AGBL1: variants seen among roughly 807,000 people sequenced by gnomAD.
AGBL1 encodes the protein cytosolic carboxypeptidase 4.
AGBL1 carries 130 observed loss-of-function variants against 118.9 expected under a neutral mutation model. That is an observed-to-expected ratio of 1.09 (90% CI 0.95 to 1.26). The LOEUF is 1.26. Among genes scored for constraint, AGBL1 ranks in the 50% most tolerant of loss-of-function variants. The pLI, the probability that AGBL1 is intolerant of heterozygous loss-of-function variation, is 0.00. For missense variants in AGBL1, 1,584 were observed against 1,298.1 expected (o/e 1.22, Z -3.38); for synonymous variants, 555 against 478.9 (o/e 1.16, Z -2.08).
chr15:86,822,896 T>C (rs929792300), intron 22 of AGBL1, among the ~76,000 whole-genome samples: 2 of 152,114 alleles, frequency 1.3e-5, no homozygotes, highest in Non-Finnish European at 2.9e-5. Flanking sequence ...AAGGGCAGGA[T>C]TTATGGTAAG....
chr15:86,826,364 T>C (rs1184978523), intron 22 of AGBL1, among the ~76,000 whole-genome samples: 6 of 152,100 alleles, frequency 3.9e-5, no homozygotes, highest in Non-Finnish European at 5.9e-5. Flanking sequence ...CTGAAGAATA[T>C]TGAGAATGAA....
At chr15:86,604,797 C>CTTTTTTTTTTTTTTTTTTTTTTTTCTTTT (rs56780270) in intron 21 of AGBL1, among the ~76,000 whole-genome samples, 1 of 132,044 alleles carries the variant, frequency 7.6e-6, no homozygotes, top group Non-Finnish European at 1.6e-5. Context: ...TCTTTTCTTT[C>CTTTTTTTTTTTTTTTTTTTTTTTTCTTTT]TTTTTTTTTT....
chr15:86,827,289 A>ATGTGTGTG (rs1185549204), intron 22 of AGBL1, among the ~76,000 whole-genome samples: 2 of 52,470 alleles, frequency 3.8e-5, no homozygotes, highest in Non-Finnish European at 3.8e-5. Context: ...ATGGGTGTGT[A>ATGTGTGTG]TGTATATATA....
intron 23 of AGBL1, among the ~76,000 whole-genome samples, chr15:86,933,835 C>T (rs777289681): frequency 5.9e-5 from 9 of 152,190 alleles, no homozygotes; most frequent in African/African-American, 1.9e-4. Flanking sequence ...GCTCCCTTGC[C>T]GGAGGAATTG....
At position 86,229,625 on chromosome 15, in the gene AGBL1, T is replaced by A. The variant is rs79355171; in HGVS notation, c.526+4674T>A. ...TCTGTCTTTTCCTCTTTTTCCCTCA[T>A]CCTTTTTGTCATTTCTCATTTCCCT... On this transcript the variant is annotated intron_variant, in intron 6 of 22. Coordinates refer to ENST00000614907, the MANE Select transcript of AGBL1 (RefSeq NM_001386094.1). Among the ~76,000 whole-genome samples the A allele has an allele frequency of 2.6e-3, 398 of 152,272 alleles. 8 individuals carry two copies. The East Asian group carries it at 0.067, about 26-fold the overall frequency.
intron 3 of AGBL1, among the ~76,000 whole-genome samples, chr15:86,150,991 A>G (rs1456308646): frequency 1.3e-5 from 2 of 152,190 alleles, no homozygotes; most frequent in African/African-American, 4.8e-5. Context: ...TGATGAGTTC[A>G]TGTCCTTTGT....
intron 22 of AGBL1, among the ~76,000 whole-genome samples, chr15:86,806,935 G>A (rs1197829326): frequency 6.6e-6 from 1 of 151,524 alleles, no homozygotes; most frequent in East Asian, 1.9e-4. Context: ...ATTCTTTATT[G>A]GTGACTACAT....
intron 21 of AGBL1, among the ~76,000 whole-genome samples, chr15:86,654,280 G>A (rs1028676953): frequency 2.4e-4 from 37 of 152,158 alleles, no homozygotes; most frequent in African/African-American, 8.4e-4. Flanking sequence ...TTGTTAGCAA[G>A]TAGGAGTGTT....
At chr15:86,588,553 T>C (rs2084287475) in intron 21 of AGBL1, among the ~76,000 whole-genome samples, 1 of 152,196 alleles carries the variant, frequency 6.6e-6, no homozygotes, top group African/African-American at 2.4e-5. Flanking sequence ...CTGAAGCTCA[T>C]ATGCAGATAG....
At position 86,659,036 on chromosome 15, in the gene AGBL1, G is replaced by A. The variant is rs556468097; in HGVS notation, c.2995-15237G>A. 6.6e-5 allele frequency among the ~76,000 whole-genome samples: 10 copies of A among 152,276 alleles called. 1 individual carries two copies. The highest frequency in any genetic ancestry group is 2.4e-4 in the African/African-American group (10 of 41,578). On this transcript the variant is annotated intron_variant, in intron 21 of 22. Coordinates refer to ENST00000614907, the MANE Select transcript of AGBL1 (RefSeq NM_001386094.1). The stretch of plus-strand genomic sequence containing the variant: ...AAGGCGGGTATTCACAAAGACAGAA[G>A]TAAGCCATGATCTTTTAATTAAGAA...
intron 17 of AGBL1, among the ~76,000 whole-genome samples, chr15:86,322,883 G>A (rs1439888388): frequency 6.6e-6 from 1 of 152,200 alleles, no homozygotes; most frequent in African/African-American, 2.4e-5. Flanking sequence ...CTTTGCAAAA[G>A]TGTTTTGTTT....
Position 86,148,351 on chromosome 15 carries a change from G to A in AGBL1, c.262+4506G>A, listed in dbSNP as rs932851529. Among the ~76,000 whole-genome samples the A allele has an allele frequency of 3.9e-5, 6 of 152,046 alleles. 1 individual carries two copies. Among genetic ancestry groups the A allele is most frequent in the African/African-American group, 9.7e-5 (4 of 41,394 alleles). The stretch of plus-strand genomic sequence containing the variant: ...TTTTCTGAGGTAAAGAAGGATGTTC[G>A]AACCCATTGCAAGGAAGCTAATCTT... On this transcript the variant is annotated intron_variant, in intron 3 of 22. Transcript: ENST00000614907.
intron 17 of AGBL1, among the ~76,000 whole-genome samples, chr15:86,313,845 G>C (rs952894767): frequency 6.6e-6 from 1 of 152,180 alleles, no homozygotes; most frequent in Non-Finnish European, 1.5e-5. Context: ...CTTTAGTTCA[G>C]AGCTGGTCAG....
chr15:86,273,990 T>G (rs2079203413), intron 15 of AGBL1, among the ~76,000 whole-genome samples: 1 of 152,214 alleles, frequency 6.6e-6, no homozygotes, highest in Non-Finnish European at 1.5e-5. Context: ...TCCAAACTAT[T>G]TTGACAATGT....
chr15:86,482,122 A>G (rs879343607), intron 18 of AGBL1, among the ~76,000 whole-genome samples: 11 of 152,182 alleles, frequency 7.2e-5, no homozygotes, highest in South Asian at 4.1e-4. Context: ...GTGATGAGTT[A>G]ACCTACTTTT....
intron 22 of AGBL1, among the ~76,000 whole-genome samples, chr15:86,830,095 T>C (rs888594630): frequency 6.6e-6 from 1 of 152,158 alleles, no homozygotes; most frequent in Non-Finnish European, 1.5e-5. Context: ...GTATTTAGAT[T>C]ATCTCAAATA....
intron 21 of AGBL1, among the ~76,000 whole-genome samples, chr15:86,596,363 C>G (rs1224832029): frequency 1.3e-5 from 2 of 152,086 alleles, no homozygotes; most frequent in South Asian, 2.1e-4. Context: ...CTGTTCCTCA[C>G]TGGGGGTTGG....
intron 21 of AGBL1, among the ~76,000 whole-genome samples, chr15:86,656,392 G>A (rs956366659): frequency 6.6e-6 from 1 of 152,208 alleles, no homozygotes; most frequent in South Asian, 2.1e-4. Context: ...GGGGCTTTAG[G>A]GGGGTTGCCT....
intron 22 of AGBL1, among the ~76,000 whole-genome samples, chr15:86,902,904 G>C (rs757106731): frequency 6.6e-6 from 1 of 152,124 alleles, no homozygotes; most frequent in African/African-American, 2.4e-5. Flanking sequence ...GGCTTTATCT[G>C]TTTGGGGGTT....
Sources: gnomAD v4.1 joint callset for allele counts (sites outside exome capture counted in the v4.1 genomes callset) on GRCh38, gnomAD v4.1.1 for gene constraint, MANE v1.5 for transcripts, NCBI Gene and HGNC (gene_info 2026-07-23, HGNC 2026-07-21) for gene names.